The following C7 variants were observed in gnomAD, a reference collection of about 807,000 sequenced individuals.
C7 encodes the protein complement C7, also known as complement component C7.
A neutral mutation model predicts 104.8 loss-of-function variants in C7; 83 were observed. The ratio of observed to expected loss-of-function variants is 0.79; its 90% CI spans 0.66 to 0.95. The LOEUF is 0.95. C7 is among the 40% of genes least tolerant of loss of function. The pLI is 0.00. For missense variants in C7, 1,070 were observed against 1,011.2 expected, an observed-to-expected ratio of 1.06 and a Z score of -0.79; for synonymous variants, 415 against 360.6, an observed-to-expected ratio of 1.15 and a Z score of -1.71.
chr5:40,964,594 G>T, intron 13 of C7, 147 bp from the exon 14 acceptor site: 1 of 657,640 alleles, frequency 1.5e-6, no homozygotes, highest in Non-Finnish European at 2.6e-6. Context: ...CTATATAGGG[G>T]AAAATGTTTT....
intron 1 of C7, among the ~76,000 whole-genome samples, chr5:40,926,031 A>C (rs905624529): frequency 6.6e-6 from 1 of 152,230 alleles, no homozygotes; most frequent in Non-Finnish European, 1.5e-5. Flanking sequence ...AAATAGTTGC[A>C]AACTGAACAA....
Position 40,972,617 on chromosome 5 carries a change from C to G in C7, c.2074+23C>G, listed in dbSNP as rs764578972. ...AAGGTGAGTGGCTTCCATGTCTATC[C>G]AAGGACACTTGTACCCAGGCAAGTG... On this transcript the variant is annotated intron_variant, in intron 15 of 17. Coordinates refer to ENST00000313164, the MANE Select transcript of C7 (RefSeq NM_000587.4). 1.9e-6 allele frequency: 3 copies of G among 1,566,218 alleles called. No homozygotes were observed. In the South Asian group the frequency reaches 3.7e-5, roughly 19 times the overall value.
At chr5:40,966,979 T>C (rs1236460885) in intron 14 of C7, among the ~76,000 whole-genome samples, 1 of 152,164 alleles carries the variant, frequency 6.6e-6, no homozygotes, top group African/African-American at 2.4e-5. Flanking sequence ...TTTGAAAAGA[T>C]TAATAAGAAA....
At chr5:40,914,298 A>C (rs911605444) in intron 1 of C7, among the ~76,000 whole-genome samples, 3 of 151,780 alleles carry the variant, frequency 2.0e-5, no homozygotes, top group Non-Finnish European at 4.4e-5. Flanking sequence ...CCACTTTTTA[A>C]TGTTTTTGTT....
intron 6 of C7, 129 bp downstream of exon 6, chr5:40,937,819 A>G (rs1190946867): frequency 1.3e-6 from 1 of 789,402 alleles, no homozygotes; most frequent in Non-Finnish European, 1.9e-6. Context: ...TAAATGTTTT[A>G]TGTTGACTTA....
chr5:40,953,846 G>C, intron 9 of C7, among the ~76,000 whole-genome samples: 1 of 37,870 alleles, frequency 2.6e-5, no homozygotes. Flanking sequence ...AATATCACAT[G>C]CACCCCATAA....
chr5:40,957,768 G>GTT (rs576860158), intron 10 of C7, among the ~76,000 whole-genome samples: 2,745 of 104,412 alleles, frequency 0.026, 78 homozygotes, highest in African/African-American at 0.068. Flanking sequence ...GTTTTTTTTT[G>GTT]TTTTTTTTTT....
chr5:40,938,010 T>G (rs533863623), intron 6 of C7, among the ~76,000 whole-genome samples: 1 of 152,172 alleles, frequency 6.6e-6, no homozygotes. Flanking sequence ...CTGGTAATGA[T>G]AGTCTCCTGA....
intron 16 of C7, among the ~76,000 whole-genome samples, chr5:40,978,156 A>G (rs1740858731): frequency 6.6e-6 from 1 of 150,832 alleles, no homozygotes; most frequent in Non-Finnish European, 1.5e-5. Context: ...AAAAAAAAAA[A>G]AAAAGAACCA....
At chr5:40,954,902 A>AAAG (rs1740255519) in intron 9 of C7, 5 of 290,498 alleles carry the variant, frequency 1.7e-5, no homozygotes, top group South Asian at 9.8e-5. Flanking sequence ...AAAAAAAAAA[A>AAAG]AAAGAAAACC....
chr5:40,943,286 A>G (rs893659858), intron 6 of C7, among the ~76,000 whole-genome samples: 22 of 152,258 alleles, frequency 1.4e-4, no homozygotes, highest in Admixed American at 6.5e-4. Context: ...ATGTGGCAAT[A>G]ATAAAAATGA....
intron 9 of C7, among the ~76,000 whole-genome samples, chr5:40,954,374 A>G (rs1445951742): frequency 1.3e-5 from 2 of 152,156 alleles, no homozygotes; most frequent in African/African-American, 4.8e-5. Context: ...TGAAATATAT[A>G]TTATGTATTT....
chr5:40,947,208 T>C (rs917088400), intron 7 of C7, among the ~76,000 whole-genome samples: 5 of 151,252 alleles, frequency 3.3e-5, no homozygotes, highest in Admixed American at 3.3e-4. Flanking sequence ...CAAGCGATTC[T>C]TCTACCTCAG....
chr5:40,972,552 A>G lies in C7; in HGVS notation c.2032A>G (p.Lys678Glu). The G allele has an allele frequency of 6.2e-7, 1 of 1,612,756 alleles. No homozygotes were observed. Among genetic ancestry groups the G allele is most frequent in the Non-Finnish European group, 8.5e-7 (1 of 1,179,324 alleles). ...AGCATTTCTCTGTGGCTCCAGCCTT[A>G]AGTGGAGTCCTGAGATGAAGAATGC... ...PSAFLCGSSLKWSPEMKNARC... is the reference protein window; with the variant it reads ...PSAFLCGSSLEWSPEMKNARC... The change falls in exon 15 of 18, where the codon AAG becomes GAG. Residue 678 changes from lysine (K) to glutamate (E), a missense_variant. By Grantham distance (56) the Lys-to-Glu change is moderately conservative (BLOSUM62 1). Coordinates refer to ENST00000313164, the MANE Select transcript of C7 (RefSeq NM_000587.4).
intron 14 of C7, among the ~76,000 whole-genome samples, chr5:40,969,502 G>A (rs1475124822): frequency 6.6e-6 from 1 of 152,110 alleles, no homozygotes; most frequent in Non-Finnish European, 1.5e-5. Context: ...TTTAAAAATT[G>A]GATGATGCTA....
At chr5:40,919,089 T>G (rs1271450854) in intron 1 of C7, among the ~76,000 whole-genome samples, 1 of 151,290 alleles carries the variant, frequency 6.6e-6, no homozygotes, top group Non-Finnish European at 1.5e-5. Context: ...AAAACAAGCT[T>G]CAGCAAATTT....
chr5:40,944,459 C>T (rs1740004702), intron 6 of C7, among the ~76,000 whole-genome samples: 1 of 152,286 alleles, frequency 6.6e-6, no homozygotes, highest in East Asian at 1.9e-4. Context: ...AGACAGGGTA[C>T]GTGTTCACTT....
intron 1 of C7, among the ~76,000 whole-genome samples, chr5:40,912,181 A>C (rs902897680): frequency 6.6e-6 from 1 of 151,894 alleles, no homozygotes. Context: ...TCCAAAGGTA[A>C]TTATCCTAAG....
intron 6 of C7, among the ~76,000 whole-genome samples, chr5:40,940,349 T>C (rs919050028): frequency 3.3e-5 from 5 of 152,210 alleles, no homozygotes; most frequent in African/African-American, 1.2e-4. Context: ...AAGGCATTTA[T>C]GGCTTGGGAA....
Sources: gnomAD v4.1 joint callset for allele counts (sites outside exome capture counted in the v4.1 genomes callset) on GRCh38, gnomAD v4.1.1 for gene constraint, MANE v1.5 for transcripts, NCBI Gene and HGNC (gene_info 2026-07-23, HGNC 2026-07-21) for gene names.